Variants in CEP290 observed in about 807,000 individuals in gnomAD.
CEP290 encodes the protein centrosomal protein of 290 kDa.
A neutral mutation model predicts 344.9 loss-of-function variants in CEP290; 317 were observed. The observed-to-expected ratio is 0.92, with a 90% CI of 0.84 to 1.01. The LOEUF (loss-of-function observed/expected upper bound fraction) is 1.01, where lower values mean the gene tolerates loss of function less well. Ranked by LOEUF, CEP290 falls within the 50% of genes least tolerant of loss-of-function variation. The pLI, the probability that CEP290 is intolerant of heterozygous loss-of-function variation, is 0.00. For synonymous variants in CEP290, 932 were observed against 895.8 expected (o/e 1.04, Z -0.72); for missense variants, 2,754 against 2,761.4 (o/e 1.00, Z 0.06).
In CEP290 at chr12:88,120,218, T is replaced by C; in HGVS notation, c.1418A>G (p.Lys473Arg). 1 of 1,513,868 alleles carries C rather than the reference T, an allele frequency of 6.6e-7. No individual in the cohort carries two copies. Among genetic ancestry groups the C allele is most frequent in the Non-Finnish European group, 8.9e-7 (1 of 1,125,426 alleles). The allele number at this position is 1,513,868 out of a possible 1,614,324, so 93.8% of individuals were successfully genotyped here. ...TATTTCAATCTCTCGATCTCTTATT[T>C]TAATTTGGTTTTTACAATTCTTTAT... ...VEIKNCKNQI[K>R]IRDREIEILT... Residue 473 changes from lysine (K) to arginine (R), a missense_variant, in exon 15 of 54, where the codon AAA becomes AGA. Transcript: ENST00000552810.
At chr12:88,100,746 T>C (rs2037806273) in intron 26 of CEP290, among the ~76,000 whole-genome samples, 1 of 152,072 alleles carries the variant, frequency 6.6e-6, no homozygotes, top group Non-Finnish European at 1.5e-5. Flanking sequence ...GGAGTGACTT[T>C]GTTCCATTAA....
At chr12:88,134,807 CA>C (rs2040265227) in intron 6 of CEP290, among the ~76,000 whole-genome samples, 1 of 152,174 alleles carries the variant, frequency 6.6e-6, no homozygotes, top group African/African-American at 2.4e-5. Flanking sequence ...ATATTTCAGT[CA>C]AAATGAATAA....
intron 26 of CEP290, among the ~76,000 whole-genome samples, chr12:88,102,239 C>T (rs1461543005): frequency 6.6e-6 from 1 of 152,094 alleles, no homozygotes. Context: ...TGATATTCTA[C>T]TCTAGTTTTT....
At position 88,077,273 on chromosome 12, in the gene CEP290, G is replaced by A. The variant is rs1368307580; in HGVS notation, c.5658C>T (p.Asn1886=). 4 of 1,601,974 alleles carry A rather than the reference G, an allele frequency of 2.5e-6. No individual in the cohort carries two copies. The South Asian group carries it at 3.4e-5, about 14-fold the overall frequency. The change falls in exon 41 of 54, where the codon AAC becomes AAT. Residue 1886 remains asparagine (N), a synonymous_variant. Transcript: ENST00000552810. ...ELQRKVKKLE[N]QLEGKVEEVD... ...CTTCCTCCACCTTTCCCTCTAATTG[G>A]TTCTCTAGTTTTTTAACTTTCCTTT...
Position 88,106,923 on chromosome 12 carries a change from C to G in CEP290, c.2587-18G>C, listed in dbSNP as rs751661154. 6.3e-7 allele frequency: 1 copy of G among 1,582,144 alleles called. No individual in the cohort carries two copies. Among genetic ancestry groups the G allele is most frequent in the Non-Finnish European group, 8.6e-7 (1 of 1,160,030 alleles). On this transcript the variant is annotated intron_variant, in intron 24 of 53. Transcript: ENST00000552810. ...AGCAAATTCTGCACAAAGACACATC[C>G]ATATTACTTGTTGAATCTAGCTATC...
At chr12:88,135,788 TGACCTAAA>T (rs1267820624) in intron 6 of CEP290, 2 of 151,978 alleles carry the variant, frequency 1.3e-5, no homozygotes, top group East Asian at 3.9e-4. Flanking sequence ...AACACAACAA[TGACCTAAA>T]GGACACAAAG....
rs1181227053 is a variant in CEP290 at position 88,139,200 on chromosome 12, T to TA, written c.251-10_251-9insT. 5.4e-6 allele frequency: 6 copies of TA among 1,112,382 alleles called. No homozygotes were observed. Among genetic ancestry groups the TA allele is most frequent in the African/African-American group, 1.6e-5 (1 of 61,420 alleles). 68.9% of individuals were successfully genotyped at this position (1,112,382 alleles called of 1,614,324 possible). On this transcript the variant is annotated splice_polypyrimidine_tract_variant and intron_variant, in intron 4 of 53. Transcript: ENST00000552810. ...AGTTTTTAATTGATTTTCTATTTTTTTAAAAAAAAAGAAAAACGTTTTAAT... is the reference window on the plus strand; with the variant it reads ...AGTTTTTAATTGATTTTCTATTTTTTATAAAAAAAAAGAAAAACGTTTTAAT...
intron 25 of CEP290, among the ~76,000 whole-genome samples, chr12:88,104,642 A>C (rs1419565368): frequency 1.3e-5 from 2 of 152,074 alleles, no homozygotes; most frequent in Non-Finnish European, 1.5e-5. Flanking sequence ...TGTATAACAT[A>C]ACCGCATGAA....
Position 88,050,371 on chromosome 12 carries a change from C to G in CEP290, c.7192G>C (p.Glu2398Gln). Reference sequence around the variant, plus strand: ...AATATTACCTTCAAATGCTGCTTTTCTAGATCTGACATTTTGAGCTGTGTC... The same window carrying G: ...AATATTACCTTCAAATGCTGCTTTTGTAGATCTGACATTTTGAGCTGTGTC... ...LETQLKMSDL[E>Q]KQHLKEEIKK... The change falls in exon 53 of 54, where the codon GAA becomes CAA. Residue 2398 changes from glutamate to glutamine, a missense_variant. Coordinates refer to ENST00000552810, the MANE Select transcript of CEP290 (RefSeq NM_025114.4). 6.5e-7 allele frequency: 1 copy of G among 1,537,190 alleles called. No individual in the cohort carries two copies. Among genetic ancestry groups the G allele is most frequent in the African/African-American group, 1.4e-5 (1 of 72,952 alleles).
Position 88,126,426 on chromosome 12 carries a change from A to G in CEP290, c.955T>C (p.Ser319Pro), listed in dbSNP as rs1354148420. ...TACTCAATAATTTCATCATCTTTAG[A>G]AGACAAAATTAGCTAGAAATAAACA... ...KVEEWKLILS[S>P]KDDEIIEYQQ... The change falls in exon 12 of 54, where the codon TCT becomes CCT. Residue 319 changes from serine to proline, a missense_variant. Coordinates refer to ENST00000552810, the MANE Select transcript of CEP290 (RefSeq NM_025114.4). The G allele has an allele frequency of 6.7e-7, 1 of 1,501,664 alleles. No homozygotes were observed. 93.0% of individuals were successfully genotyped at this position (1,501,664 alleles called of 1,614,324 possible). A position where few individuals can be genotyped will look rare whatever the true frequency, so the allele number is the denominator to read the frequency against.
chr12:88,110,417 G>A (rs960190924), intron 22 of CEP290, among the ~76,000 whole-genome samples: 1 of 152,016 alleles, frequency 6.6e-6, no homozygotes, highest in Non-Finnish European at 1.5e-5. Context: ...TGGTTTAGAA[G>A]TTTTTGCTTA....
chr12:88,062,701 A>G lies in CEP290; in HGVS notation c.6348T>C (p.His2116=). ...EKAEVQRKLG[H]VRGSGRSGKT... ...GTAAATTCTCACATACCCCTCTAACATGGCCAAGTTTCCGCTGAACTTCTG... is the reference window on the plus strand; with the variant it reads ...GTAAATTCTCACATACCCCTCTAACGTGGCCAAGTTTCCGCTGAACTTCTG... Residue 2116 remains histidine, a synonymous_variant, in exon 46 of 54, where the codon CAT becomes CAC. Coordinates refer to ENST00000552810, the MANE Select transcript of CEP290 (RefSeq NM_025114.4). 1 of 1,602,380 alleles carries G rather than the reference A, an allele frequency of 6.2e-7. No individual in the cohort carries two copies. The highest frequency in any genetic ancestry group is 1.1e-5 in the South Asian group (1 of 89,064).
rs148173636 is a variant in CEP290 at position 88,055,595 on chromosome 12, T to C, written c.6941A>G (p.Asn2314Ser). The C allele has an allele frequency of 8.9e-6, 14 of 1,580,368 alleles. No homozygotes were observed. In the East Asian group the frequency reaches 9.0e-5, roughly 10 times the overall value. The change falls in exon 50 of 54, where the codon AAT (asparagine) becomes AGT (serine). Residue 2314 changes from asparagine (N) to serine (S), a missense_variant. Asn to Ser is a conservative substitution (Grantham distance 46). Coordinates refer to ENST00000552810, the MANE Select transcript of CEP290 (RefSeq NM_025114.4). ...TEREQKVNKY[N>S]EDLEQQIKIL... ...ACTTACCTGTTGTTCAAGGTCTTCA[T>C]TGTATTTGTTAACTTTTTGTTCTCT...
At chr12:88,050,477 A>G (rs1332698163) in intron 52 of CEP290, 44 bp from the exon 53 acceptor site, 8 of 893,868 alleles carry the variant, frequency 8.9e-6, no homozygotes, top group Non-Finnish European at 1.3e-5. Context: ...TTTTCCCACT[A>G]CGAATGAGTT....
At position 88,097,640 on chromosome 12, in the gene CEP290, T is replaced by C. The variant is rs571673449; in HGVS notation, c.2992-641A>G. Among the ~76,000 whole-genome samples the C allele has an allele frequency of 7.5e-3, 835 of 111,940 alleles. 7 individuals are homozygous for C. The highest frequency in any genetic ancestry group is 0.014 in the Admixed American group (158 of 11,268). 73.4% of individuals were successfully genotyped at this position (111,940 alleles called of 152,430 possible). A position where few individuals can be genotyped will look rare whatever the true frequency, so the allele number is the denominator to read the frequency against. ...ACACACACACACACACACACACACA[T>C]ATATACAATGTAAAATATTATTTTA... On this transcript the variant is annotated intron_variant, in intron 26 of 53. Transcript: ENST00000552810.
Position 88,060,908 on chromosome 12 carries a change from A to G in CEP290, c.6444T>C (p.Asn2148=), listed in dbSNP as rs368101871. Residue 2148 remains asparagine (N), a synonymous_variant, in exon 47 of 54, where the codon AAT becomes AAC. Coordinates refer to ENST00000552810, the MANE Select transcript of CEP290 (RefSeq NM_025114.4). ...KKVVEKVQRE[N]EQLKKASGIL... Reference sequence around the variant, plus strand: ...TTCCTGATGCTTTTTTCAACTGTTCATTTTCTCTCTGGACTTTTTCAACTA... The same window carrying G: ...TTCCTGATGCTTTTTTCAACTGTTCGTTTTCTCTCTGGACTTTTTCAACTA... The G allele has an allele frequency of 2.6e-6, 4 of 1,553,926 alleles. No individual in the cohort carries two copies. Among genetic ancestry groups the G allele is most frequent in the East Asian group, 4.7e-5 (2 of 42,230 alleles).
chr12:88,060,487 G>C (rs2034388004), intron 47 of CEP290, among the ~76,000 whole-genome samples: 1 of 152,102 alleles, frequency 6.6e-6, no homozygotes, highest in Non-Finnish European at 1.5e-5. Flanking sequence ...ATGAACCCGG[G>C]AGGCAGAGCT....
chr12:88,082,554 TGTG>T (rs1429498579), intron 37 of CEP290, among the ~76,000 whole-genome samples: 1 of 151,794 alleles, frequency 6.6e-6, no homozygotes, highest in Non-Finnish European at 1.5e-5. Context: ...ACTACCCAGG[TGTG>T]GTGGCACCTG....
chr12:88,121,749 C>T (rs1464872054), intron 13 of CEP290, among the ~76,000 whole-genome samples: 1 of 152,060 alleles, frequency 6.6e-6, no homozygotes, highest in Admixed American at 6.6e-5. Context: ...GAGATAGGCA[C>T]AGCAACAAGA....
Sources: gnomAD v4.1 joint callset for allele counts (sites outside exome capture counted in the v4.1 genomes callset) on GRCh38, gnomAD v4.1.1 for gene constraint, MANE v1.5 for transcripts, NCBI Gene and HGNC (gene_info 2026-07-23, HGNC 2026-07-21) for gene names.